STARD13: variants seen among roughly 807,000 people sequenced by gnomAD.
STARD13 encodes StAR related lipid transfer domain containing 13.
Under a neutral mutation model 106.4 loss-of-function variants are expected in STARD13, and 62 were observed. The observed-to-expected ratio is 0.58, with a 90% CI of 0.48 to 0.72. The LOEUF is 0.72. Ranked by LOEUF, STARD13 falls within the 30% of genes least tolerant of loss-of-function variation. The probability of loss-of-function intolerance (pLI) is 0.00; values close to 1 mark genes in which losing one functional copy is unlikely to be tolerated. For missense variants in STARD13, 1,387 were observed against 1,424.0 expected, an observed-to-expected ratio of 0.97 and a Z score of 0.42; for synonymous variants, 565 against 553.0, an observed-to-expected ratio of 1.02 and a Z score of -0.31.
chr13:33,110,424 C>G (rs1483706113), intron 11 of STARD13, among the ~76,000 whole-genome samples: 1 of 152,158 alleles, frequency 6.6e-6, no homozygotes, highest in Non-Finnish European at 1.5e-5. Context: ...AACTGAGGCA[C>G]AGAGAGGTGT....
At chr13:33,146,319 A>C (rs777437876) in intron 3 of STARD13, among the ~76,000 whole-genome samples, 5 of 151,212 alleles carry the variant, frequency 3.3e-5, no homozygotes, top group Non-Finnish European at 5.9e-5. Flanking sequence ...GTGAAACTCC[A>C]TCTCAAAAAA....
chr13:33,274,541 C>G (rs761178403), intron 1 of STARD13, among the ~76,000 whole-genome samples: 1 of 152,160 alleles, frequency 6.6e-6, no homozygotes, highest in Admixed American at 6.5e-5. Context: ...CAAAGCATTA[C>G]CATGTTTTAT....
the STARD13 span, among the ~76,000 whole-genome samples, chr13:33,401,052 C>T: frequency 2.0e-5 from 3 of 152,102 alleles, no homozygotes; most frequent in African/African-American, 7.2e-5. Flanking sequence ...TCATTATTCC[C>T]TAGTAATATA....
chr13:33,587,361 T>C, the STARD13 span, among the ~76,000 whole-genome samples: 2 of 152,160 alleles, frequency 1.3e-5, no homozygotes, highest in Non-Finnish European at 2.9e-5. Context: ...TTAAGGAGCT[T>C]CCTTTACTCT....
At chr13:33,337,318 T>C (rs1452159279) in intron 1 of STARD13, among the ~76,000 whole-genome samples, 1 of 149,774 alleles carries the variant, frequency 6.7e-6, no homozygotes, top group Non-Finnish European at 1.5e-5. Flanking sequence ...TAATCTATTA[T>C]GAGCATTGTA....
chr13:33,270,646 C>G (rs1307043881), intron 1 of STARD13, among the ~76,000 whole-genome samples: 2 of 152,154 alleles, frequency 1.3e-5, no homozygotes, highest in African/African-American at 4.8e-5. Flanking sequence ...CCTCCCGTAC[C>G]CAGATTTCCC....
chr13:33,634,393 G>C, the STARD13 span, among the ~76,000 whole-genome samples: 2 of 152,140 alleles, frequency 1.3e-5, no homozygotes, highest in East Asian at 3.8e-4. Flanking sequence ...ATTTCTCATT[G>C]TCATCAGGGG....
intron 7 of STARD13, among the ~76,000 whole-genome samples, chr13:33,125,212 A>C (rs1370939213): frequency 6.6e-6 from 1 of 152,218 alleles, no homozygotes; most frequent in Non-Finnish European, 1.5e-5. Flanking sequence ...TAAAAAGTAC[A>C]AATAATCTTA....
the STARD13 span, among the ~76,000 whole-genome samples, chr13:33,595,942 T>C: frequency 2.0e-5 from 3 of 152,192 alleles, no homozygotes; most frequent in African/African-American, 7.2e-5. Context: ...CCACTCTTTA[T>C]TTCTGTGCTG....
At chr13:33,167,726 A>C in intron 1 of STARD13, 104 bp from the exon 2 acceptor site, 1 of 1,196,684 alleles carries the variant, frequency 8.4e-7, no homozygotes, top group Non-Finnish European at 1.2e-6. Flanking sequence ...AAGTTATTAC[A>C]AAGCAAAATT....
At chr13:33,459,312 A>G in the STARD13 span, among the ~76,000 whole-genome samples, 2 of 152,282 alleles carry the variant, frequency 1.3e-5, no homozygotes, top group South Asian at 4.1e-4. Context: ...GCTATAGATC[A>G]GTTTGCATTC....
chr13:33,240,114 C>T (rs1889394214), intron 1 of STARD13, among the ~76,000 whole-genome samples: 4 of 152,094 alleles, frequency 2.6e-5, no homozygotes, highest in Admixed American at 2.6e-4. Context: ...ATGTAAATAT[C>T]CAGTTTTCCC....
At chr13:33,361,730 TAC>T in the STARD13 span, among the ~76,000 whole-genome samples, 2 of 152,132 alleles carry the variant, frequency 1.3e-5, no homozygotes, top group Admixed American at 1.3e-4. Flanking sequence ...GGGGAATTGC[TAC>T]ACACTTTTAA....
chr13:33,601,542 G>C, the STARD13 span, among the ~76,000 whole-genome samples: 10 of 152,118 alleles, frequency 6.6e-5, no homozygotes, highest in Non-Finnish European at 1.3e-4. Flanking sequence ...TTAATGTTAG[G>C]CTTTCTTTGA....
intron 1 of STARD13, among the ~76,000 whole-genome samples, chr13:33,315,539 A>C (rs1054477518): frequency 6.6e-6 from 1 of 152,216 alleles, no homozygotes; most frequent in African/African-American, 2.4e-5. Flanking sequence ...ATCCACTGAC[A>C]GCAATGGTAA....
intron 7 of STARD13, among the ~76,000 whole-genome samples, chr13:33,118,694 C>T (rs571846315): frequency 1.8e-4 from 27 of 152,208 alleles, no homozygotes; most frequent in African/African-American, 4.3e-4. Context: ...ATTTTGAGAA[C>T]GTCTGGTCAA....
chr13:33,212,049 G>T (rs1273377915), intron 1 of STARD13, among the ~76,000 whole-genome samples: 2 of 152,114 alleles, frequency 1.3e-5, no homozygotes, highest in East Asian at 3.9e-4. Flanking sequence ...AAATAAGAAA[G>T]CTAATAACAA....
the STARD13 span, among the ~76,000 whole-genome samples, chr13:33,628,362 C>A: frequency 6.6e-6 from 1 of 152,088 alleles, no homozygotes; most frequent in Non-Finnish European, 1.5e-5. Flanking sequence ...CATGTTTGTT[C>A]CCTCCACATC....
chr13:33,137,730 A>G (rs1279016406), intron 4 of STARD13, among the ~76,000 whole-genome samples: 1 of 152,232 alleles, frequency 6.6e-6, no homozygotes, highest in Non-Finnish European at 1.5e-5. Context: ...GAGGTTGGAA[A>G]ATAAGACCAA....
Sources: allele counts gnomAD v4.1 joint callset (sites outside exome capture counted in the v4.1 genomes callset), GRCh38; gene constraint gnomAD v4.1.1; transcripts MANE v1.5; gene names NCBI Gene and HGNC (gene_info 2026-07-23, HGNC 2026-07-21).